SLC35F1: variants seen among roughly 807,000 people sequenced by gnomAD.
SLC35F1 encodes the protein chromosome 6 open reading frame 169.
A neutral mutation model predicts 48.7 loss-of-function variants in SLC35F1; 14 were observed. The ratio of observed to expected loss-of-function variants is 0.29; its 90% confidence interval spans 0.19 to 0.45. The LOEUF is 0.45. Ranked by LOEUF, SLC35F1 falls within the 20% of genes least tolerant of loss-of-function variation. SLC35F1 has a pLI of 1.00. For missense variants in SLC35F1, 404 were observed against 500.0 expected, an observed-to-expected ratio of 0.81 and a Z score of 1.83; for synonymous variants, 190 against 202.2, an observed-to-expected ratio of 0.94 and a Z score of 0.51.
rs114582303 is a variant in SLC35F1, at chr6:118,226,351, C to T, written c.350-9158C>T. The stretch of plus-strand genomic sequence containing the variant: ...AACTAACCATATGATCCAGCAATTC[C>T]GCTATTGAGTTATGCCTAAAAGATA... On this transcript the variant is annotated intron_variant, in intron 2 of 7. Transcript: ENST00000360388. Among the ~76,000 whole-genome samples the T allele has an allele frequency of 6.0e-3, 913 of 152,240 alleles. 10 individuals carry two copies. The highest frequency in any genetic ancestry group is 0.021 in the African/African-American group (860 of 41,530).
intron 1 of SLC35F1, among the ~76,000 whole-genome samples, chr6:118,003,846 T>C (rs1057481865): frequency 2.4e-4 from 36 of 151,850 alleles, no homozygotes; most frequent in African/African-American, 8.5e-4. Flanking sequence ...GAAAGCAAAA[T>C]CAAAAAGAAA....
chr6:118,275,212 G>A (rs1452918347), intron 4 of SLC35F1, among the ~76,000 whole-genome samples: 1 of 152,156 alleles, frequency 6.6e-6, no homozygotes, highest in Non-Finnish European at 1.5e-5. Context: ...TAGAGAGGGT[G>A]TGATCTGGAA....
intron 1 of SLC35F1, among the ~76,000 whole-genome samples, chr6:118,098,884 C>T (rs1430166631): frequency 6.6e-6 from 1 of 152,094 alleles, no homozygotes; most frequent in Non-Finnish European, 1.5e-5. Context: ...AGGGGAGTTC[C>T]TTGTCCCCAT....
chr6:118,289,504 C>T (rs1776091350), intron 7 of SLC35F1, among the ~76,000 whole-genome samples: 2 of 152,120 alleles, frequency 1.3e-5, no homozygotes, highest in Admixed American at 1.3e-4. Context: ...CAGATAAGTG[C>T]TCTTGTACAT....
chr6:118,050,142 A>G (rs369633233), intron 1 of SLC35F1, among the ~76,000 whole-genome samples: 123 of 151,914 alleles, frequency 8.1e-4, no homozygotes, highest in African/African-American at 2.9e-3. Context: ...ACATGTTCTC[A>G]CTCATAGGTG....
intron 2 of SLC35F1, among the ~76,000 whole-genome samples, chr6:118,158,094 G>A (rs999206422): frequency 6.6e-6 from 1 of 152,160 alleles, no homozygotes; most frequent in Non-Finnish European, 1.5e-5. Flanking sequence ...GTCTGTGATG[G>A]AGAGAATCAA....
At chr6:118,096,899 T>C (rs1262712652) in intron 1 of SLC35F1, among the ~76,000 whole-genome samples, 1 of 152,204 alleles carries the variant, frequency 6.6e-6, no homozygotes, top group African/African-American at 2.4e-5. Flanking sequence ...CTCTCCTTTT[T>C]ATTCCAAACA....
At chr6:118,264,562 C>T (rs1255233353) in intron 3 of SLC35F1, among the ~76,000 whole-genome samples, 1 of 152,152 alleles carries the variant, frequency 6.6e-6, no homozygotes, top group Non-Finnish European at 1.5e-5. Flanking sequence ...AGTGCTTTGG[C>T]TTTTCTAATG....
At chr6:118,020,869 A>T (rs1777385393) in intron 1 of SLC35F1, among the ~76,000 whole-genome samples, 1 of 152,166 alleles carries the variant, frequency 6.6e-6, no homozygotes, top group Non-Finnish European at 1.5e-5. Flanking sequence ...CTTTGTAGTT[A>T]TCTGAGAAAA....
Position 118,272,765 on chromosome 6 carries a change from GTA to G in SLC35F1, c.638-2683_638-2682del, listed in dbSNP as rs61131467. Among the ~76,000 whole-genome samples the G allele has an allele frequency of 2.3e-3, 302 of 132,750 alleles. 4 individuals carry two copies. Among genetic ancestry groups the G allele is most frequent in the African/African-American group, 8.1e-3 (268 of 32,966 alleles). The allele number at this position is 132,750 out of a possible 152,430, so 87.1% of individuals were successfully genotyped here. A position where few individuals can be genotyped will look rare whatever the true frequency, so the allele number is the denominator to read the frequency against. The stretch of plus-strand genomic sequence containing the variant: ...TATATATATACATATATATATATAT[GTA>G]TATATATATACCATTTTTTAGCATA... On this transcript the variant is annotated intron_variant, in intron 4 of 7. Transcript: ENST00000360388.
At chr6:118,059,938 A>G (rs7776362) in intron 1 of SLC35F1, among the ~76,000 whole-genome samples, 44,910 of 152,234 alleles carry the variant, frequency 0.3, 7,315 homozygotes, top group East Asian at 0.47. Context: ...AGTGTTTATA[A>G]AATACGCTTT....
intron 1 of SLC35F1, among the ~76,000 whole-genome samples, chr6:117,984,831 A>G (rs1776828949): frequency 6.6e-6 from 1 of 152,236 alleles, no homozygotes; most frequent in South Asian, 2.1e-4. Context: ...TAGAAAGGAT[A>G]TGAATTAACC....
intron 1 of SLC35F1, among the ~76,000 whole-genome samples, chr6:117,991,612 A>G (rs1776920113): frequency 6.6e-6 from 1 of 152,176 alleles, no homozygotes; most frequent in Admixed American, 6.5e-5. Context: ...CATGTGCTTA[A>G]ATAAGGTTTT....
chr6:118,047,989 G>C (rs958211453), intron 1 of SLC35F1, among the ~76,000 whole-genome samples: 3 of 151,996 alleles, frequency 2.0e-5, no homozygotes, highest in African/African-American at 4.8e-5. Context: ...TCCAGTTTTT[G>C]CCCATTCAGT....
At chr6:117,999,324 G>C in intron 1 of SLC35F1, 1 of 1,595,748 alleles carries the variant, frequency 6.3e-7, no homozygotes, top group Non-Finnish European at 8.5e-7. Context: ...AAGGGGCTCA[G>C]GCTGTGCCGG....
At chr6:118,081,423 A>G (rs1451241570) in intron 1 of SLC35F1, among the ~76,000 whole-genome samples, 1 of 151,950 alleles carries the variant, frequency 6.6e-6, no homozygotes, top group African/African-American at 2.4e-5. Flanking sequence ...TTGAGACCAG[A>G]AGTTTGGGAC....
At chr6:118,205,442 C>A (rs1301757282) in intron 2 of SLC35F1, among the ~76,000 whole-genome samples, 5 of 152,154 alleles carry the variant, frequency 3.3e-5, no homozygotes, top group Non-Finnish European at 7.3e-5. Context: ...CAAATCAAAA[C>A]CACCATGGGT....
intron 7 of SLC35F1, among the ~76,000 whole-genome samples, chr6:118,286,382 C>A (rs1247766616): frequency 1.3e-5 from 2 of 151,906 alleles, no homozygotes; most frequent in African/African-American, 4.8e-5. Context: ...CAACAATAAG[C>A]TAAAAAGAGC....
chr6:118,011,900 C>T (rs536528523), intron 1 of SLC35F1, among the ~76,000 whole-genome samples: 1 of 152,238 alleles, frequency 6.6e-6, no homozygotes, highest in Non-Finnish European at 1.5e-5. Flanking sequence ...GGACAAGAGA[C>T]AGATATCTTT....
Sources: allele counts gnomAD v4.1 joint callset (sites outside exome capture counted in the v4.1 genomes callset), GRCh38; gene constraint gnomAD v4.1.1; transcripts MANE v1.5; gene names NCBI Gene and HGNC (gene_info 2026-07-23, HGNC 2026-07-21).